Variants in PCNX2 observed in about 807,000 individuals in gnomAD.
PCNX2 encodes pecanex 2.
Under a neutral mutation model 223.8 loss-of-function variants are expected in PCNX2, and 168 were observed. That is an observed-to-expected ratio of 0.75 (90% confidence interval 0.66 to 0.85). The LOEUF (loss-of-function observed/expected upper bound fraction) is 0.85, where lower values mean the gene tolerates loss of function less well. Ranked by LOEUF, PCNX2 falls within the 40% of genes least tolerant of loss-of-function variation. PCNX2 has a pLI of 0.00. For missense variants in PCNX2, 2,507 were observed against 2,675.5 expected (o/e 0.94, Z 1.39); for synonymous variants, 1,006 against 1,052.6 (o/e 0.96, Z 0.86).
At chr1:233,197,944 TA>T (rs1185320479) in intron 15 of PCNX2, among the ~76,000 whole-genome samples, 1 of 152,214 alleles carries the variant, frequency 6.6e-6, no homozygotes, top group Non-Finnish European at 1.5e-5. Flanking sequence ...TTTAAACTGT[TA>T]AACCGTAAGT....
intron 17 of PCNX2, among the ~76,000 whole-genome samples, chr1:233,166,011 C>T (rs1678771950): frequency 6.6e-6 from 1 of 151,936 alleles, no homozygotes; most frequent in African/African-American, 2.4e-5. Context: ...GGTGCAAATA[C>T]ACATCTAGAT....
chr1:233,088,497 T>C (rs1673709216), intron 23 of PCNX2, among the ~76,000 whole-genome samples: 1 of 152,166 alleles, frequency 6.6e-6, no homozygotes, highest in Non-Finnish European at 1.5e-5. Flanking sequence ...AAGCCAACTG[T>C]GGTAGTTTTT....
At chr1:233,271,425 C>T (rs959594585) in intron 1 of PCNX2, among the ~76,000 whole-genome samples, 2 of 152,150 alleles carry the variant, frequency 1.3e-5, no homozygotes, top group African/African-American at 4.8e-5. Flanking sequence ...TGTCTGAGTT[C>T]ATTACCACCA....
At chr1:233,057,336 C>T (rs978071324) in intron 23 of PCNX2, 46 bp from the exon 24 acceptor site, 17 of 1,467,020 alleles carry the variant, frequency 1.2e-5, no homozygotes, top group Non-Finnish European at 1.4e-5. Flanking sequence ...TAGATCCCCC[C>T]AAGCAGAAGA....
intron 10 of PCNX2, among the ~76,000 whole-genome samples, chr1:233,218,495 C>A (rs1466917022): frequency 6.6e-6 from 1 of 152,030 alleles, no homozygotes; most frequent in East Asian, 1.9e-4. Flanking sequence ...CATGATCTGC[C>A]CTCCTTGGCC....
chr1:233,324,598 A>ATTTTT, the PCNX2 span, among the ~76,000 whole-genome samples: 31 of 127,540 alleles, frequency 2.4e-4, 1 homozygote, highest in African/African-American at 6.1e-4. Flanking sequence ...GTTTACTGAA[A>ATTTTT]TTTTTTTTTT....
At chr1:233,237,893 G>A (rs1163396935) in intron 8 of PCNX2, among the ~76,000 whole-genome samples, 3 of 152,174 alleles carry the variant, frequency 2.0e-5, no homozygotes, top group African/African-American at 7.2e-5. Flanking sequence ...AGAGGTCACT[G>A]GGGAGCAAAG....
the PCNX2 span, among the ~76,000 whole-genome samples, chr1:233,324,125 T>C: frequency 6.6e-6 from 1 of 152,222 alleles, no homozygotes; most frequent in African/African-American, 2.4e-5. Flanking sequence ...AGGCCTTAAC[T>C]CTCTTCAATT....
chr1:233,218,853 CAATG>C (rs1400504999), intron 10 of PCNX2, among the ~76,000 whole-genome samples: 1 of 152,066 alleles, frequency 6.6e-6, no homozygotes, highest in Admixed American at 6.6e-5. Flanking sequence ...TGGTTCCTTT[CAATG>C]GAAGGGGGTG....
chr1:233,207,555 T>C (rs1214679331), intron 13 of PCNX2, among the ~76,000 whole-genome samples: 1 of 152,226 alleles, frequency 6.6e-6, no homozygotes, highest in African/African-American at 2.4e-5. Context: ...CAACAGCTGA[T>C]GCTTGGTGCC....
At chr1:233,221,560 C>G (rs139857925) in intron 10 of PCNX2, among the ~76,000 whole-genome samples, 1 of 152,064 alleles carries the variant, frequency 6.6e-6, no homozygotes, top group African/African-American at 2.4e-5. Context: ...GTTTACTTGC[C>G]AGGCAAAGAG....
chr1:233,227,660 CT>C (rs1266375418), intron 9 of PCNX2, among the ~76,000 whole-genome samples: 3 of 152,182 alleles, frequency 2.0e-5, no homozygotes, highest in African/African-American at 7.2e-5. Flanking sequence ...CAAAATGCTA[CT>C]GCTCATTAAG....
At chr1:233,207,502 G>A (rs547348992) in intron 13 of PCNX2, among the ~76,000 whole-genome samples, 6 of 152,320 alleles carry the variant, frequency 3.9e-5, no homozygotes, top group African/African-American at 1.2e-4. Context: ...AGCATATGCC[G>A]TCGGGTCAAT....
intron 9 of PCNX2, among the ~76,000 whole-genome samples, chr1:233,234,946 G>A (rs933002944): frequency 6.6e-6 from 1 of 152,024 alleles, no homozygotes. Flanking sequence ...CTGACAGTGT[G>A]TGCAGAACAC....
chr1:233,058,841 T>C (rs1672297416), intron 23 of PCNX2, among the ~76,000 whole-genome samples: 1 of 151,972 alleles, frequency 6.6e-6, no homozygotes, highest in South Asian at 2.1e-4. Flanking sequence ...ATTTTTGTAT[T>C]CTTAGTAGAG....
rs1004939011 is a variant in PCNX2 at position 232,991,070 on chromosome 1, C to T, written c.5792-4530G>A. ...CCGTGGGCTGCACTGTCCTAGGTGC[C>T]GGGCAGTGAGCAGCTCATGGGAAAT... is the stretch of plus-strand genomic sequence containing the variant. On this transcript the variant is annotated intron_variant, in intron 32 of 33. Transcript: ENST00000258229. This position sits in a 1 kb window ranked among gnomAD's most constrained non-coding sequence, Gnocchi z 4.3. 2.0e-5 allele frequency among the ~76,000 whole-genome samples: 3 copies of T among 152,262 alleles called. No individual in the cohort carries two copies. Among genetic ancestry groups the T allele is most frequent in the East Asian group, 1.9e-4 (1 of 5,174 alleles).
intron 4 of PCNX2, among the ~76,000 whole-genome samples, chr1:233,259,604 CCTAATGCTAT>C (rs1659941181): frequency 6.6e-6 from 1 of 152,104 alleles, no homozygotes; most frequent in Non-Finnish European, 1.5e-5. Context: ...AGGTATTTGT[CCTAATGCTAT>C]CTCTCCCCTT....
chr1:233,258,013 G>A lies in PCNX2; in HGVS notation c.1834+15C>T. The A allele has an allele frequency of 6.2e-7, 1 of 1,604,760 alleles. No individual in the cohort carries two copies. Among genetic ancestry groups the A allele is most frequent in the Non-Finnish European group, 8.5e-7 (1 of 1,173,386 alleles). ...TCTATGTCATCATCAGAACGGAAAT[G>A]ACATGGAATCGCACCTCGGAGAAGC... On this transcript the variant is annotated intron_variant, in intron 5 of 33. Coordinates refer to ENST00000258229, the MANE Select transcript of PCNX2 (RefSeq NM_014801.4).
intron 19 of PCNX2, among the ~76,000 whole-genome samples, chr1:233,150,459 C>A (rs1370561590): frequency 6.6e-6 from 1 of 152,284 alleles, no homozygotes; most frequent in East Asian, 1.9e-4. Flanking sequence ...TAGGGAAGAG[C>A]AACGTGAGAG....
Sources: gnomAD v4.1 joint callset for allele counts (sites outside exome capture counted in the v4.1 genomes callset) on GRCh38, gnomAD v4.1.1 for gene constraint, Gnocchi (gnomAD v3.1) non-coding constraint, MANE v1.5 for transcripts, NCBI Gene and HGNC (gene_info 2026-07-23, HGNC 2026-07-21) for gene names.